JAG1: variants seen among roughly 807,000 people sequenced by gnomAD.
The protein encoded by JAG1 is jagged canonical Notch ligand 1.
A neutral mutation model predicts 148.7 loss-of-function variants in JAG1; 23 were observed. The observed-to-expected ratio is 0.15, with a 90% CI of 0.11 to 0.22. The LOEUF (loss-of-function observed/expected upper bound fraction) is 0.22. Among genes scored for constraint, JAG1 ranks in the 10% least tolerant of loss-of-function variants. JAG1 has a pLI of 1.00. For synonymous variants in JAG1, 572 were observed against 598.3 expected (o/e 0.96, Z 0.64); for missense variants, 1,054 against 1,611.2 (o/e 0.65, Z 5.92).
chr20:10,651,766 G>A lies in JAG1; in HGVS notation c.1007-72C>T, dbSNP rs1278866974. ...TACCTCCCCACACCCCCCTCCAACCGAATCCCACACCACAGCCACTAGTGC... is the reference window on the plus strand; with the variant it reads ...TACCTCCCCACACCCCCCTCCAACCAAATCCCACACCACAGCCACTAGTGC... On this transcript the variant is annotated intron_variant, in intron 7 of 25. Transcript: ENST00000254958. 35 of 923,212 alleles carry A rather than the reference G, an allele frequency of 3.8e-5. No homozygotes were observed. In the East Asian group the frequency reaches 4.3e-4, roughly 11 times the overall value. 57.2% of individuals were successfully genotyped at this position (923,212 alleles called of 1,614,324 possible).
intron 4 of JAG1, among the ~76,000 whole-genome samples, chr20:10,657,399 C>T (rs904977773): frequency 6.6e-6 from 1 of 151,012 alleles, no homozygotes; most frequent in African/African-American, 2.4e-5. Context: ...AGTGTTAGGT[C>T]GTTTAATTTT....
Position 10,645,892 on chromosome 20 carries a change from A to T in JAG1, c.1999+79T>A, listed in dbSNP as rs906419203. ...GCTTCCAGAGATTTCCAGTACAAAG[A>T]AAGTTTTCCCACGTTGAAGTGGGAT... is the stretch of plus-strand genomic sequence containing the variant. On this transcript the variant is annotated intron_variant, in intron 15 of 25. Coordinates refer to ENST00000254958, the MANE Select transcript of JAG1 (RefSeq NM_000214.3). This position sits in a 1 kb window ranked among gnomAD's most constrained non-coding sequence, Gnocchi z 6.1. 32 of 984,078 alleles carry T rather than the reference A, an allele frequency of 3.3e-5. No homozygotes were observed. Among genetic ancestry groups the T allele is most frequent in the Non-Finnish European group, 5.1e-5 (31 of 606,262 alleles). 61.0% of individuals were successfully genotyped at this position (984,078 alleles called of 1,614,324 possible).
In JAG1 at chr20:10,672,932, C is replaced by A; in HGVS notation, c.156G>T (p.Gly52=). The change falls in exon 2 of 26, where the codon GGG becomes GGT. Residue 52 remains glycine, a synonymous_variant. Transcript: ENST00000254958. ...MQNVNGELQN[G]NCCGGARNPG... ...GGTTCCGGGCGCCGCCGCAGCAGTT[C>A]CCGTTCTGCAGCTCCCCGTTCACGT... 1 of 1,613,196 alleles carries A rather than the reference C, an allele frequency of 6.2e-7. No homozygotes were observed. The highest frequency in any genetic ancestry group is 1.1e-5 in the South Asian group (1 of 91,090).
rs761640153 is a variant in JAG1, at chr20:10,644,369, C to T, written c.2360G>A (p.Ser787Asn). The T allele has an allele frequency of 7.4e-6, 12 of 1,612,902 alleles. No individual in the cohort carries two copies. The highest frequency in any genetic ancestry group is 3.3e-4 in the Middle Eastern group (2 of 6,082). Residue 787 changes from serine (S) to asparagine (N), a missense_variant, in exon 19 of 26, where the codon AGC becomes AAC. Ser to Asn is a conservative substitution (Grantham distance 46, BLOSUM62 1). Around this residue, in one of 6 missense-constraint regions of JAG1, gnomAD observed 342 missense variants for 514.6 expected, o/e 0.66. Coordinates refer to ENST00000254958, the MANE Select transcript of JAG1 (RefSeq NM_000214.3). ...PICAQNTNDC[S>N]PHPCYNSGTC... ...ATGTCACACTTACCAGGGATGAGGG[C>T]TGCAGTCATTGGTATCTGCAAAGAA...
chr20:10,651,540 A>C, intron 8 of JAG1, 41 bp downstream of exon 8: 2 of 1,358,898 alleles, frequency 1.5e-6, no homozygotes, highest in Non-Finnish European at 1.1e-6. Flanking sequence ...ATCTTGGCAC[A>C]AGGATCCTTA....
At chr20:10,653,616 A>G (rs1404106714) in intron 5 of JAG1, among the ~76,000 whole-genome samples, 1 of 151,390 alleles carries the variant, frequency 6.6e-6, no homozygotes, top group Non-Finnish European at 1.5e-5. Context: ...TGGGATGGGC[A>G]ACATGTTTCC....
At chr20:10,662,561 C>G (rs1459839391) in intron 3 of JAG1, 1 of 152,846 alleles carries the variant, frequency 6.5e-6, no homozygotes, top group Non-Finnish European at 1.5e-5. Context: ...TACAGAAGAG[C>G]CTATGTCTCC....
intron 10 of JAG1, 86 bp from the exon 11 acceptor site, chr20:10,649,193 A>AT (rs2067329730): frequency 2.2e-6 from 2 of 914,166 alleles, no homozygotes; most frequent in African/African-American, 3.3e-5. Flanking sequence ...CTCAGGATAG[A>AT]TAAGTTTCAA....
At position 10,638,552 on chromosome 20, in the gene JAG1, TCTAAA is replaced by T. The variant is rs1297330128; in HGVS notation, c.*941_*945del. On this transcript the variant is annotated 3_prime_UTR_variant, in exon 26 of 26. Transcript: ENST00000254958. The stretch of plus-strand genomic sequence containing the variant: ...AAAACAAACAAACAAAAAAACCTGT[TCTAAA>T]CTAATCCTCAAACTGCCTCAGTCAG... 1.3e-5 allele frequency: 2 copies of T among 152,644 alleles called. No homozygotes were observed. Among genetic ancestry groups the T allele is most frequent in the African/African-American group, 4.8e-5 (2 of 41,438 alleles). 9.5% of individuals were successfully genotyped at this position (152,644 alleles called of 1,614,324 possible).
chr20:10,658,061 A>G (rs2067390013), intron 4 of JAG1, among the ~76,000 whole-genome samples: 1 of 152,086 alleles, frequency 6.6e-6, no homozygotes. Flanking sequence ...TCTCAACTGG[A>G]GTCTGATTTC....
intron 3 of JAG1, among the ~76,000 whole-genome samples, chr20:10,660,973 G>A (rs1392845830): frequency 1.3e-5 from 2 of 152,204 alleles, no homozygotes; most frequent in East Asian, 1.9e-4. Flanking sequence ...AAACCTGGAA[G>A]GGGGCCTTAG....
rs930662596 is a variant in JAG1, at chr20:10,647,991, C to T, written c.1689G>A (p.Leu563=). ...EDYEGKNCSH[L]KDHCRTTPCE... is the part of the protein sequence containing the mutation. ...AGGGGGTCGTGCGGCAGTGGTCTTT[C>T]AGGTGTGAGCAGTTCTTGCCCTCAT... Residue 563 remains leucine, a synonymous_variant, in exon 13 of 26, where the codon CTG becomes CTA. Coordinates refer to ENST00000254958, the MANE Select transcript of JAG1 (RefSeq NM_000214.3). The T allele has an allele frequency of 6.2e-7, 1 of 1,614,210 alleles. No individual in the cohort carries two copies.
At chr20:10,669,657 C>T (rs1490001439) in intron 2 of JAG1, among the ~76,000 whole-genome samples, 1 of 147,216 alleles carries the variant, frequency 6.8e-6, no homozygotes, top group African/African-American at 2.5e-5. Context: ...CCAGATACCC[C>T]AATTTCTTCC....
At chr20:10,644,276 T>TCACACA (rs33967297) in intron 19 of JAG1, 81 bp downstream of exon 19, 23,175 of 881,010 alleles carry the variant, frequency 0.026, 399 homozygotes, top group African/African-American at 0.099. Flanking sequence ...TGGGTGATTC[T>TCACACA]CACACACACA....
At chr20:10,657,760 G>A (rs2067388202) in intron 4 of JAG1, among the ~76,000 whole-genome samples, 1 of 152,164 alleles carries the variant, frequency 6.6e-6, no homozygotes, top group African/African-American at 2.4e-5. Context: ...CTAAAAGTGG[G>A]CCCACTCCTA....
rs1484771056 is a variant in JAG1, at chr20:10,646,086, T to G, written c.1886-2A>C. 1 of 1,604,010 alleles carries G rather than the reference T, an allele frequency of 6.2e-7. No homozygotes were observed. The highest frequency in any genetic ancestry group is 1.7e-5 in the Admixed American group (1 of 60,010). On this transcript the variant is annotated splice_acceptor_variant, in intron 14 of 25. Transcript: ENST00000254958. LOFTEE classifies it high-confidence loss of function. The stretch of plus-strand genomic sequence containing the variant: ...GGTTGCTCTCACAGTCATTAATATC[T>G]ATGAAACAAAGTAAAGCAAAAAAAG...
rs1264764578 is a variant in JAG1 at position 10,643,802 on chromosome 20, A to T, written c.2434T>A (p.Phe812Ile). ...CTTATTCTGCAGTCGGGCCCAGCAA[A>T]ACCCGGGGCACATTCGCACCGGTAC... ...NWYRCECAPG[F>I]AGPDCRININ... The change falls in exon 20 of 26, where the codon TTT becomes ATT. Residue 812 changes from phenylalanine (F) to isoleucine (I), a missense_variant. Phe to Ile is a conservative substitution (Grantham distance 21). Around this residue, in one of 6 missense-constraint regions of JAG1, gnomAD observed 342 missense variants for 514.6 expected, o/e 0.66. Transcript: ENST00000254958. 1.2e-6 allele frequency: 2 copies of T among 1,614,054 alleles called. No individual in the cohort carries two copies. Among genetic ancestry groups the T allele is most frequent in the Admixed American group, 3.3e-5 (2 of 60,020 alleles).
intron 21 of JAG1, 35 bp from the exon 22 acceptor site, chr20:10,641,927 C>T: frequency 7.2e-7 from 1 of 1,385,208 alleles, no homozygotes. Flanking sequence ...GTTTATTTTT[C>T]TGTGAACCGG....
At chr20:10,642,382 G>A in intron 21 of JAG1, 106 bp downstream of exon 21, 1 of 681,980 alleles carries the variant, frequency 1.5e-6, no homozygotes, top group Non-Finnish European at 2.7e-6. Flanking sequence ...CCCACTGTGT[G>A]TTCCCTTCCC....
Sources: gnomAD v4.1 joint callset for allele counts (sites outside exome capture counted in the v4.1 genomes callset) on GRCh38, gnomAD v4.1.1 for gene constraint, gnomAD v4.1.1 regional missense constraint, Gnocchi (gnomAD v3.1) non-coding constraint, MANE v1.5 for transcripts, NCBI Gene and HGNC (gene_info 2026-07-23, HGNC 2026-07-21) for gene names.